CSMD2: variants seen among roughly 807,000 people sequenced by gnomAD.
CSMD2 encodes the protein CUB and Sushi multiple domains 2, also known as CUB and sushi domain-containing protein 2.
In CSMD2, 130 loss-of-function variants were observed where a neutral mutation model predicts 398.5. The ratio of observed to expected loss-of-function variants is 0.33; its 90% CI spans 0.28 to 0.38. The LOEUF (loss-of-function observed/expected upper bound fraction) is 0.38. Among genes scored for constraint, CSMD2 ranks in the 10% least tolerant of loss-of-function variants. The pLI, the probability that CSMD2 is intolerant of heterozygous loss-of-function variation, is 1.00. For synonymous variants in CSMD2, 1,828 were observed against 1,908.5 expected (o/e 0.96, Z 1.10); for missense variants, 3,829 against 4,764.9 (o/e 0.80, Z 5.78).
chr1:33,991,235 G>A (rs746230035), intron 3 of CSMD2, among the ~76,000 whole-genome samples: 1 of 152,024 alleles, frequency 6.6e-6, no homozygotes, highest in Non-Finnish European at 1.5e-5. Context: ...TGGAACTCCT[G>A]GCCTCAAGCA....
At chr1:34,024,203 A>G (rs987403299) in intron 3 of CSMD2, among the ~76,000 whole-genome samples, 1 of 152,188 alleles carries the variant, frequency 6.6e-6, no homozygotes, top group African/African-American at 2.4e-5. Context: ...TGTATCCTCA[A>G]AGCCTACTTT....
chr1:33,590,697 AGGGCAG>A, intron 44 of CSMD2, among the ~76,000 whole-genome samples: 1 of 151,712 alleles, frequency 6.6e-6, no homozygotes, highest in Middle Eastern at 3.4e-3. Context: ...ACAGAACTCT[AGGGCAG>A]GGGACATTCA....
intron 26 of CSMD2, 127 bp downstream of exon 26, chr1:33,662,763 G>A: frequency 1.1e-6 from 1 of 885,594 alleles, no homozygotes; most frequent in Non-Finnish European, 1.9e-6. Flanking sequence ...CATGTACCAG[G>A]CACATAGCAG....
intron 22 of CSMD2, among the ~76,000 whole-genome samples, chr1:33,708,617 T>TATTATTATTA (rs1553180016): frequency 6.5e-4 from 98 of 150,276 alleles, no homozygotes; most frequent in South Asian, 4.0e-3. Context: ...TTATTATTAT[T>TATTATTATTA]TTGAGACAGG....
chr1:33,676,078 T>TGG (rs1194103164), intron 25 of CSMD2, among the ~76,000 whole-genome samples: 3 of 152,172 alleles, frequency 2.0e-5, no homozygotes, highest in Non-Finnish European at 4.4e-5. Flanking sequence ...TCACCACTCC[T>TGG]ATTCAACATA....
chr1:33,822,866 T>G (rs1658317180), intron 7 of CSMD2, among the ~76,000 whole-genome samples: 2 of 152,172 alleles, frequency 1.3e-5, no homozygotes, highest in South Asian at 4.1e-4. Context: ...ACTTCCCAGC[T>G]AAGCACCCAC....
chr1:34,115,378 C>T (rs531101994), intron 1 of CSMD2, among the ~76,000 whole-genome samples: 1 of 152,074 alleles, frequency 6.6e-6, no homozygotes. Context: ...AAAGAGTTCT[C>T]ATAAGATTAT....
chr1:33,815,772 T>G (rs1657390140), intron 9 of CSMD2, among the ~76,000 whole-genome samples: 1 of 152,186 alleles, frequency 6.6e-6, no homozygotes, highest in African/African-American at 2.4e-5. Flanking sequence ...ATTTAATAAA[T>G]AAGAGCTTTA....
intron 25 of CSMD2, among the ~76,000 whole-genome samples, chr1:33,671,589 C>T (rs1356255908): frequency 1.4e-4 from 21 of 152,146 alleles, no homozygotes; most frequent in East Asian, 5.8e-4. Flanking sequence ...GCCACACCCA[C>T]GCCCCCACCA....
chr1:34,155,250 T>C (rs1205323736), intron 1 of CSMD2, among the ~76,000 whole-genome samples: 2 of 152,144 alleles, frequency 1.3e-5, no homozygotes, highest in African/African-American at 4.8e-5. Context: ...ACAGAAAACG[T>C]CAACTGTGCC....
intron 5 of CSMD2, chr1:33,885,129 T>G (rs3738342): frequency 0.1 from 15,691 of 151,826 alleles, 938 homozygotes; most frequent in African/African-American, 0.15. Flanking sequence ...GACCAGAGAG[T>G]TTAAGTAGCT....
intron 1 of CSMD2, among the ~76,000 whole-genome samples, chr1:34,117,490 C>G (rs1271531801): frequency 6.6e-6 from 1 of 152,012 alleles, no homozygotes; most frequent in Admixed American, 6.6e-5. Context: ...AAGAAAAGCC[C>G]AGGACCACAT....
intron 5 of CSMD2, among the ~76,000 whole-genome samples, chr1:33,861,731 TC>T (rs1639525925): frequency 6.6e-6 from 1 of 152,102 alleles, no homozygotes; most frequent in Non-Finnish European, 1.5e-5. Flanking sequence ...AGCAGAGACC[TC>T]AGAGGCTCAT....
intron 24 of CSMD2, among the ~76,000 whole-genome samples, chr1:33,694,434 C>CT (rs1244149605): frequency 6.6e-6 from 1 of 152,120 alleles, no homozygotes; most frequent in Non-Finnish European, 1.5e-5. Context: ...AGGGAGGAAC[C>CT]TGGTGGGAGG....
chr1:34,009,431 A>T (rs1647172179), intron 3 of CSMD2, among the ~76,000 whole-genome samples: 1 of 151,970 alleles, frequency 6.6e-6, no homozygotes, highest in Non-Finnish European at 1.5e-5. Context: ...GCCAGGAGAC[A>T]CTGTGCCGCC....
chr1:34,001,214 A>T (rs1319110588), intron 3 of CSMD2, among the ~76,000 whole-genome samples: 1 of 152,252 alleles, frequency 6.6e-6, no homozygotes, highest in Non-Finnish European at 1.5e-5. Flanking sequence ...CAGATAGGGA[A>T]TATTGACAAA....
intron 28 of CSMD2, among the ~76,000 whole-genome samples, chr1:33,650,721 A>G (rs1368610801): frequency 6.6e-6 from 1 of 152,156 alleles, no homozygotes; most frequent in Non-Finnish European, 1.5e-5. Flanking sequence ...GGTATGATTT[A>G]CACCGTGTGA....
intron 13 of CSMD2, among the ~76,000 whole-genome samples, chr1:33,764,925 T>C (rs1650296402): frequency 6.6e-6 from 1 of 152,184 alleles, no homozygotes; most frequent in Admixed American, 6.5e-5. Flanking sequence ...ATGCTTCACC[T>C]GTGCATGTGG....
chr1:34,132,193 C>T (rs1432805299), intron 1 of CSMD2, among the ~76,000 whole-genome samples: 1 of 152,116 alleles, frequency 6.6e-6, no homozygotes, highest in East Asian at 1.9e-4. Flanking sequence ...ATCATGGCCC[C>T]AGCACACCCC....
Sources: gnomAD v4.1 joint callset for allele counts (sites outside exome capture counted in the v4.1 genomes callset) on GRCh38, gnomAD v4.1.1 for gene constraint, MANE v1.5 for transcripts, NCBI Gene and HGNC (gene_info 2026-07-23, HGNC 2026-07-21) for gene names.